The following SUGCT variants were observed in gnomAD, a reference collection of about 807,000 sequenced individuals.
SUGCT encodes succinyl-CoA:glutarate-CoA transferase.
SUGCT carries 41 observed loss-of-function variants against 55.0 expected under a neutral mutation model. That is an observed-to-expected ratio of 0.74 (90% CI 0.58 to 0.97). The LOEUF (loss-of-function observed/expected upper bound fraction) is 0.97. Ranked by LOEUF, SUGCT falls within the 50% of genes least tolerant of loss-of-function variation. The pLI, the probability that SUGCT is intolerant of heterozygous loss-of-function variation, is 0.00. For missense variants in SUGCT, 568 were observed against 547.8 expected (o/e 1.04, Z -0.37); for synonymous variants, 187 against 200.4 (o/e 0.93, Z 0.56).
chr7:40,980,870 G>A, the SUGCT span, among the ~76,000 whole-genome samples: 1 of 152,088 alleles, frequency 6.6e-6, no homozygotes, highest in South Asian at 2.1e-4. Flanking sequence ...CTAAGTTTTT[G>A]TATCTTTGGT....
chr7:40,725,962 C>A (rs1786593516), intron 12 of SUGCT, among the ~76,000 whole-genome samples: 1 of 152,016 alleles, frequency 6.6e-6, no homozygotes, highest in African/African-American at 2.4e-5. Flanking sequence ...GAGAATCTTG[C>A]AATCAGGAAG....
chr7:40,685,082 C>T (rs968074745), intron 12 of SUGCT, among the ~76,000 whole-genome samples: 6 of 152,036 alleles, frequency 3.9e-5, no homozygotes, highest in Non-Finnish European at 4.4e-5. Flanking sequence ...GTCTCAAACT[C>T]CTGACCTTAA....
At chr7:40,368,356 C>G (rs942642528) in intron 9 of SUGCT, among the ~76,000 whole-genome samples, 2 of 152,056 alleles carry the variant, frequency 1.3e-5, no homozygotes, top group Non-Finnish European at 2.9e-5. Flanking sequence ...TACCACCACA[C>G]CCAGCTAATT....
intron 11 of SUGCT, among the ~76,000 whole-genome samples, chr7:40,488,133 C>T (rs1284639786): frequency 1.3e-5 from 2 of 149,206 alleles, no homozygotes; most frequent in East Asian, 2.0e-4. Flanking sequence ...GATTCTTTTT[C>T]TTTTCTTTCT....
At chr7:40,929,050 G>A in the SUGCT span, among the ~76,000 whole-genome samples, 2 of 152,000 alleles carry the variant, frequency 1.3e-5, no homozygotes, top group African/African-American at 2.4e-5. Context: ...TGTCATTTAC[G>A]TTAGGTATTT....
At chr7:40,243,220 C>T (rs1340610191) in intron 7 of SUGCT, among the ~76,000 whole-genome samples, 1 of 151,600 alleles carries the variant, frequency 6.6e-6, no homozygotes, top group Admixed American at 6.6e-5. Context: ...GTAAATGACT[C>T]AGACATATGT....
chr7:40,926,579 G>A, the SUGCT span, among the ~76,000 whole-genome samples: 5 of 152,232 alleles, frequency 3.3e-5, no homozygotes, highest in South Asian at 4.2e-4. Flanking sequence ...CCAATGTACC[G>A]GTATTTGGAG....
At position 40,249,315 on chromosome 7, in the gene SUGCT, A is replaced by ATCTATATCTATATATCTATATC. The variant is rs1314961773; in HGVS notation, c.576+11590_576+11591insCTATATCTATATATCTATATCT. Reference sequence around the variant, plus strand: ...TTAAAACAAAAAACACCAAAAAGCTATATATATATATATATATATATATAT... The same window carrying ATCTATATCTATATATCTATATC: ...TTAAAACAAAAAACACCAAAAAGCTATCTATATCTATATATCTATATCTATATATATATATATATATATATAT... On this transcript the variant is annotated intron_variant, in intron 7 of 13. Coordinates refer to ENST00000335693, the MANE Select transcript of SUGCT (RefSeq NM_001193313.2). Among the ~76,000 whole-genome samples, 17 of 33,504 alleles carry ATCTATATCTATATATCTATATC rather than the reference A, an allele frequency of 5.1e-4. 2 individuals are homozygous for ATCTATATCTATATATCTATATC. The highest frequency in any genetic ancestry group is 2.2e-3 in the Admixed American group (6 of 2,746). The allele number at this position is 33,504 out of a possible 152,430, so 22.0% of individuals were successfully genotyped here.
intron 9 of SUGCT, among the ~76,000 whole-genome samples, chr7:40,424,501 T>C (rs1386924419): frequency 6.6e-6 from 1 of 152,100 alleles, no homozygotes; most frequent in Non-Finnish European, 1.5e-5. Context: ...TTTAGGTGAT[T>C]TGGAGGTAGG....
intron 12 of SUGCT, among the ~76,000 whole-genome samples, chr7:40,707,255 G>T (rs1352855503): frequency 7.0e-6 from 1 of 142,616 alleles, no homozygotes; most frequent in Admixed American, 7.1e-5. Context: ...TTTTTAAAAA[G>T]GCAGAACTGT....
chr7:40,976,792 AC>A, the SUGCT span, among the ~76,000 whole-genome samples: 4 of 152,144 alleles, frequency 2.6e-5, no homozygotes, highest in Non-Finnish European at 5.9e-5. Context: ...GGTCACACAG[AC>A]CCCAAAGGTT....
chr7:40,756,491 C>T (rs879198860), intron 13 of SUGCT, among the ~76,000 whole-genome samples: 1 of 152,208 alleles, frequency 6.6e-6, no homozygotes, highest in South Asian at 2.1e-4. Context: ...CTATGCTACA[C>T]AAGACTTTGC....
intron 12 of SUGCT, among the ~76,000 whole-genome samples, chr7:40,530,594 A>C (rs1794031842): frequency 6.6e-6 from 1 of 152,234 alleles, no homozygotes; most frequent in African/African-American, 2.4e-5. Flanking sequence ...TATTCTTAGC[A>C]GAGTGTGCTG....
chr7:41,026,254 G>A, the SUGCT span, among the ~76,000 whole-genome samples: 1 of 152,182 alleles, frequency 6.6e-6, no homozygotes, highest in East Asian at 1.9e-4. Flanking sequence ...CCACCGAATG[G>A]TGATGGTCCT....
intron 9 of SUGCT, among the ~76,000 whole-genome samples, chr7:40,389,469 A>ACAAACAAACAAT (rs10660450): frequency 6.7e-6 from 1 of 148,398 alleles, no homozygotes; most frequent in Non-Finnish European, 1.5e-5. Context: ...AAACAAACAA[A>ACAAACAAACAAT]CAAGCAAAAA....
At chr7:40,615,623 G>A (rs1798965446) in intron 12 of SUGCT, among the ~76,000 whole-genome samples, 1 of 152,198 alleles carries the variant, frequency 6.6e-6, no homozygotes, top group South Asian at 2.1e-4. Flanking sequence ...GTTCAGTGGA[G>A]AAGTTGGGCA....
At chr7:41,019,387 A>G in the SUGCT span, among the ~76,000 whole-genome samples, 2 of 152,126 alleles carry the variant, frequency 1.3e-5, no homozygotes, top group African/African-American at 4.8e-5. Context: ...GGCTCTCCTG[A>G]CCCTGATCCT....
chr7:40,485,451 G>T (rs1169279217), intron 11 of SUGCT, among the ~76,000 whole-genome samples: 1 of 113,212 alleles, frequency 8.8e-6, no homozygotes, highest in Non-Finnish European at 1.7e-5. Context: ...TTGGAGACTC[G>T]GTCTTGCTCT....
chr7:40,639,130 G>T (rs1330738020), intron 12 of SUGCT, among the ~76,000 whole-genome samples: 1 of 152,064 alleles, frequency 6.6e-6, no homozygotes, highest in Non-Finnish European at 1.5e-5. Flanking sequence ...ATATCATTTG[G>T]CCAGGTTCCC....
Sources: allele counts gnomAD v4.1 joint callset (sites outside exome capture counted in the v4.1 genomes callset), GRCh38; gene constraint gnomAD v4.1.1; transcripts MANE v1.5; gene names NCBI Gene and HGNC (gene_info 2026-07-23, HGNC 2026-07-21).